Variants in KCNIP4 observed in about 807,000 individuals in gnomAD.
The protein encoded by KCNIP4 is potassium voltage-gated channel interacting protein 4.
Under a neutral mutation model 34.0 loss-of-function variants are expected in KCNIP4, and 12 were observed. The observed-to-expected ratio is 0.35, with a 90% CI of 0.23 to 0.57. The LOEUF (loss-of-function observed/expected upper bound fraction) is 0.57, where lower values mean the gene tolerates loss of function less well. Ranked by LOEUF, KCNIP4 falls within the 20% of genes least tolerant of loss-of-function variation. The pLI is 0.83. For missense variants in KCNIP4, 238 were observed against 311.7 expected, an observed-to-expected ratio of 0.76 and a Z score of 1.78; for synonymous variants, 124 against 102.2, an observed-to-expected ratio of 1.21 and a Z score of -1.29.
In KCNIP4 at chr4:21,481,095, A is replaced by G. The variant is rs144392116; in HGVS notation, c.61+467476T>C. ...GGCTAGAGAGTTCCTAAATAACACA[A>G]CGGTTATCTGGAAAGTTGAAATTAG... On this transcript the variant is annotated intron_variant, in intron 1 of 8. Transcript: ENST00000382152. Among the ~76,000 whole-genome samples the G allele has an allele frequency of 5.5e-3, 837 of 152,294 alleles. 4 individuals carry two copies. Among genetic ancestry groups the G allele is most frequent in the African/African-American group, 0.019 (800 of 41,556 alleles).
chr4:21,107,790 GC>G (rs1748721121), intron 1 of KCNIP4, among the ~76,000 whole-genome samples: 1 of 151,484 alleles, frequency 6.6e-6, no homozygotes, highest in East Asian at 1.9e-4. Flanking sequence ...TTTAGGGCAG[GC>G]CTGGTGGTGA....
At chr4:21,610,130 T>C (rs1350075293) in intron 1 of KCNIP4, among the ~76,000 whole-genome samples, 3 of 152,256 alleles carry the variant, frequency 2.0e-5, no homozygotes, top group Non-Finnish European at 2.9e-5. Context: ...TAACAGGTCA[T>C]GCCCTTCGGG....
chr4:21,403,229 C>T (rs1723688609), intron 1 of KCNIP4, among the ~76,000 whole-genome samples: 1 of 152,200 alleles, frequency 6.6e-6, no homozygotes. Context: ...AACTTTACAT[C>T]CTGGAAGGCC....
intron 1 of KCNIP4, among the ~76,000 whole-genome samples, chr4:21,865,858 G>A (rs1725381248): frequency 6.6e-6 from 1 of 151,620 alleles, no homozygotes; most frequent in Non-Finnish European, 1.5e-5. Context: ...GCCAACAAAT[G>A]AGACTCCTTT....
chr4:21,712,556 C>G (rs964983531), intron 1 of KCNIP4, among the ~76,000 whole-genome samples: 2 of 152,202 alleles, frequency 1.3e-5, no homozygotes, highest in Non-Finnish European at 2.9e-5. Flanking sequence ...TGATTATTCT[C>G]ACAAAAGTTC....
chr4:20,926,424 C>T lies in KCNIP4; in HGVS notation c.62-43715G>A, dbSNP rs556255094. Among the ~76,000 whole-genome samples the T allele has an allele frequency of 2.0e-5, 3 of 152,304 alleles. No individual in the cohort carries two copies. The South Asian group carries it at 6.2e-4, about 32-fold the overall frequency. On this transcript the variant is annotated intron_variant, in intron 1 of 8. Transcript: ENST00000382152. ...CTATGTCATCTGCTTGCCCACCTTT[C>T]TGATTTTGCTGCTTATCACAGTATT... is the stretch of plus-strand genomic sequence containing the variant.
At chr4:21,884,199 C>T (rs1418250196) in intron 1 of KCNIP4, among the ~76,000 whole-genome samples, 1 of 152,206 alleles carries the variant, frequency 6.6e-6, no homozygotes, top group Non-Finnish European at 1.5e-5. Context: ...TAAGTACTTC[C>T]TATTTGCTGG....
At chr4:21,030,713 T>C (rs2149763155) in intron 1 of KCNIP4, among the ~76,000 whole-genome samples, 1 of 152,284 alleles carries the variant, frequency 6.6e-6, no homozygotes, top group African/African-American at 2.4e-5. Context: ...ACACTAATAA[T>C]AACAATAAAT....
chr4:20,876,011 C>T (rs1384058520), intron 2 of KCNIP4, among the ~76,000 whole-genome samples: 1 of 152,146 alleles, frequency 6.6e-6, no homozygotes, highest in Non-Finnish European at 1.5e-5. Context: ...TCTAGTCTCA[C>T]CATAACCTTG....
At chr4:21,933,070 G>C (rs1393245586) in intron 1 of KCNIP4, among the ~76,000 whole-genome samples, 11 of 125,728 alleles carry the variant, frequency 8.7e-5, no homozygotes, top group African/African-American at 3.1e-4. Context: ...AAAAAAAACA[G>C]AACACCAAAA....
chr4:21,390,662 A>G (rs998638619), intron 1 of KCNIP4, among the ~76,000 whole-genome samples: 2 of 152,188 alleles, frequency 1.3e-5, no homozygotes, highest in Middle Eastern at 6.8e-3. Flanking sequence ...ATTGGTCTAT[A>G]TATCTGTTTT....
chr4:21,577,585 C>A (rs551852884), intron 1 of KCNIP4, among the ~76,000 whole-genome samples: 1 of 152,166 alleles, frequency 6.6e-6, no homozygotes, highest in African/African-American at 2.4e-5. Flanking sequence ...GAGCCGAGAT[C>A]GCGCCATTGC....
Position 21,695,610 on chromosome 4 carries a change from T to C in KCNIP4, c.61+252961A>G, listed in dbSNP as rs73800280. On this transcript the variant is annotated intron_variant, in intron 1 of 8. Transcript: ENST00000382152. ...CACAGTGTTTTGGATTTAATACTTA[T>C]GGTTTACAGTTTCCCAACCACTTAC... 3.9e-3 allele frequency among the ~76,000 whole-genome samples: 596 copies of C among 152,280 alleles called. 5 individuals are homozygous for C. Among genetic ancestry groups the C allele is most frequent in the African/African-American group, 0.014 (571 of 41,574 alleles).
intron 1 of KCNIP4, among the ~76,000 whole-genome samples, chr4:21,923,042 C>T (rs1440013133): frequency 1.3e-5 from 2 of 152,142 alleles, no homozygotes; most frequent in African/African-American, 4.8e-5. Flanking sequence ...TTACATAGAA[C>T]TGCCGTAAAA....
intron 1 of KCNIP4, among the ~76,000 whole-genome samples, chr4:21,940,997 T>C (rs140623609): frequency 1.6e-4 from 24 of 152,296 alleles, no homozygotes; most frequent in African/African-American, 5.5e-4. Context: ...AATTACCATA[T>C]GCAAAGCATG....
chr4:21,203,451 A>C (rs1756634917), intron 1 of KCNIP4, among the ~76,000 whole-genome samples: 1 of 152,238 alleles, frequency 6.6e-6, no homozygotes, highest in South Asian at 2.1e-4. Context: ...CGTAATCTAC[A>C]AGGCAACCTC....
chr4:21,810,373 T>C (rs879498480), intron 1 of KCNIP4, among the ~76,000 whole-genome samples: 3 of 152,074 alleles, frequency 2.0e-5, no homozygotes, highest in Admixed American at 6.5e-5. Flanking sequence ...TCCCACCTTC[T>C]TTTTGCCCAA....
intron 1 of KCNIP4, among the ~76,000 whole-genome samples, chr4:21,592,880 A>G (rs924634547): frequency 7.9e-5 from 12 of 152,122 alleles, no homozygotes; most frequent in African/African-American, 2.9e-4. Context: ...ACAATCTATG[A>G]TTAGAGTGCC....
rs572951106 is a variant in KCNIP4 at position 20,877,054 on chromosome 4, G to A, written c.163+5554C>T. Among the ~76,000 whole-genome samples, 10 of 152,236 alleles carry A rather than the reference G, an allele frequency of 6.6e-5. No homozygotes were observed. The East Asian group carries it at 1.4e-3, about 21-fold the overall frequency. On this transcript the variant is annotated intron_variant, in intron 2 of 8. Transcript: ENST00000382152. ...CTAAATGCTACTATGGTTCTGGAAG[G>A]CTGACCTTTGTGGACAATATTATCT...
Sources: allele counts gnomAD v4.1 joint callset (sites outside exome capture counted in the v4.1 genomes callset), GRCh38; gene constraint gnomAD v4.1.1; transcripts MANE v1.5; gene names NCBI Gene and HGNC (gene_info 2026-07-23, HGNC 2026-07-21).